ZNF385D: variants seen among roughly 807,000 people sequenced by gnomAD.
ZNF385D encodes the protein zinc finger protein 385D, also known as zinc finger protein 659.
A neutral mutation model predicts 35.8 loss-of-function variants in ZNF385D; 15 were observed. The ratio of observed to expected loss-of-function variants is 0.42; its 90% CI spans 0.28 to 0.64. ZNF385D has a LOEUF of 0.64. ZNF385D is among the 30% of genes least tolerant of loss of function. The probability of loss-of-function intolerance (pLI) is 0.23; values close to 1 mark genes in which losing one functional copy is unlikely to be tolerated. For synonymous variants in ZNF385D, 212 were observed against 186.8 expected (o/e 1.13, Z -1.10); for missense variants, 474 against 494.6 (o/e 0.96, Z 0.39).
intron 2 of ZNF385D, among the ~76,000 whole-genome samples, chr3:22,195,130 T>G (rs1356375074): frequency 6.6e-6 from 1 of 151,918 alleles, no homozygotes; most frequent in Non-Finnish European, 1.5e-5. Flanking sequence ...CATTAGCAGT[T>G]TGTATCATAA....
At chr3:22,138,576 T>C (rs7628018) in intron 3 of ZNF385D, among the ~76,000 whole-genome samples, 131,743 of 144,800 alleles carry the variant, frequency 0.91, 60,030 homozygotes, top group African/African-American at 0.97. Flanking sequence ...AAAGGATTCC[T>C]TATTTAATAA....
chr3:21,758,996 A>AAAC (rs2070478037), intron 3 of ZNF385D, among the ~76,000 whole-genome samples: 1 of 148,436 alleles, frequency 6.7e-6, no homozygotes, highest in Non-Finnish European at 1.5e-5. Flanking sequence ...AAAAAAAAAA[A>AAAC]AAAAAAAAAA....
At chr3:21,598,108 A>G (rs1459202920) in intron 2 of ZNF385D, among the ~76,000 whole-genome samples, 1 of 152,194 alleles carries the variant, frequency 6.6e-6, no homozygotes, top group African/African-American at 2.4e-5. Context: ...CGGTTGAATC[A>G]TTTATCATAG....
intron 3 of ZNF385D, among the ~76,000 whole-genome samples, chr3:21,852,345 G>A (rs566053263): frequency 6.6e-6 from 1 of 151,992 alleles, no homozygotes; most frequent in South Asian, 2.1e-4. Context: ...TAATTGCATA[G>A]TACTTTCCCT....
intron 4 of ZNF385D, among the ~76,000 whole-genome samples, chr3:21,446,280 T>C (rs1469766993): frequency 1.3e-5 from 2 of 152,068 alleles, no homozygotes; most frequent in African/African-American, 2.4e-5. Context: ...CAGCAAGTCA[T>C]GAATGCAAGA....
chr3:22,236,779 G>A (rs1192523740), intron 2 of ZNF385D, among the ~76,000 whole-genome samples: 1 of 152,090 alleles, frequency 6.6e-6, no homozygotes, highest in African/African-American at 2.4e-5. Flanking sequence ...TTTATGCTGG[G>A]CATTTTATAT....
At chr3:21,485,453 G>C (rs1317131798) in intron 4 of ZNF385D, among the ~76,000 whole-genome samples, 1 of 152,104 alleles carries the variant, frequency 6.6e-6, no homozygotes, top group Non-Finnish European at 1.5e-5. Context: ...AGGCATCATT[G>C]ATTCTTACCT....
chr3:22,009,344 C>G (rs1696421060), intron 3 of ZNF385D, among the ~76,000 whole-genome samples: 1 of 151,938 alleles, frequency 6.6e-6, no homozygotes, highest in Non-Finnish European at 1.5e-5. Flanking sequence ...ATAGATTTGG[C>G]TAGGCGAGGT....
chr3:21,718,289 A>T (rs1440168822), intron 1 of ZNF385D, among the ~76,000 whole-genome samples: 1 of 152,314 alleles, frequency 6.6e-6, no homozygotes, highest in African/African-American at 2.4e-5. Flanking sequence ...CCACTCTGCA[A>T]TTTGATCCCT....
intron 3 of ZNF385D, among the ~76,000 whole-genome samples, chr3:21,926,822 C>A (rs763874831): frequency 1.3e-5 from 2 of 152,120 alleles, no homozygotes; most frequent in Non-Finnish European, 2.9e-5. Flanking sequence ...AACTAAAGAA[C>A]TTCTGCACAG....
At chr3:21,793,063 T>C (rs1054891701) in intron 3 of ZNF385D, among the ~76,000 whole-genome samples, 4 of 152,200 alleles carry the variant, frequency 2.6e-5, no homozygotes, top group East Asian at 3.9e-4. Context: ...ATAGCCACCA[T>C]AGTTTCTAAA....
At chr3:21,602,602 G>A (rs1247327412) in intron 2 of ZNF385D, among the ~76,000 whole-genome samples, 2 of 136,170 alleles carry the variant, frequency 1.5e-5, no homozygotes, top group African/African-American at 5.7e-5. Context: ...GCGCAATCTC[G>A]GCTCACTGCA....
chr3:22,245,307 T>C (rs986197639), intron 2 of ZNF385D, among the ~76,000 whole-genome samples: 1 of 152,118 alleles, frequency 6.6e-6, no homozygotes, highest in Non-Finnish European at 1.5e-5. Flanking sequence ...TCAGCATTCC[T>C]ACCATATGAC....
At chr3:22,003,194 A>G (rs755626914) in intron 3 of ZNF385D, among the ~76,000 whole-genome samples, 3 of 152,158 alleles carry the variant, frequency 2.0e-5, no homozygotes, top group Non-Finnish European at 4.4e-5. Flanking sequence ...TTCCACCCCA[A>G]TCTCTTAGAA....
At chr3:21,892,430 C>T (rs1208598395) in intron 3 of ZNF385D, among the ~76,000 whole-genome samples, 1 of 152,120 alleles carries the variant, frequency 6.6e-6, no homozygotes, top group Non-Finnish European at 1.5e-5. Context: ...AAAGTGTGCT[C>T]TTACCCTTAA....
intron 3 of ZNF385D, among the ~76,000 whole-genome samples, chr3:22,017,420 C>G (rs1203261290): frequency 1.3e-5 from 2 of 152,016 alleles, no homozygotes; most frequent in East Asian, 3.9e-4. Context: ...TGTGTGTTGT[C>G]TTTCAGCTGT....
rs1559436529 is a variant in ZNF385D, at chr3:21,588,619, G to T, written c.166-23935C>A. On this transcript the variant is annotated intron_variant, in intron 2 of 7. Coordinates refer to ENST00000281523, the MANE Select transcript of ZNF385D (RefSeq NM_024697.3). ...GAAACATTAAAAATAATTTTTAAAA[G>T]TCTGTTTTCTTAAAATTTATAGAGT... Among the ~76,000 whole-genome samples the T allele has an allele frequency of 2.6e-5, 4 of 151,990 alleles. 1 individual carries two copies.
intron 2 of ZNF385D, among the ~76,000 whole-genome samples, chr3:21,592,589 A>G (rs947291487): frequency 2.7e-4 from 41 of 150,246 alleles, no homozygotes; most frequent in Non-Finnish European, 1.2e-4. Context: ...TTATTGCATT[A>G]TGTGTAATTT....
intron 3 of ZNF385D, among the ~76,000 whole-genome samples, chr3:21,536,807 G>A (rs185632289): frequency 1.5e-3 from 223 of 152,074 alleles, no homozygotes; most frequent in Middle Eastern, 3.4e-3. Context: ...AAATACAGTG[G>A]CCAGAGTAAG....
Sources: gnomAD v4.1 joint callset for allele counts (sites outside exome capture counted in the v4.1 genomes callset) on GRCh38, gnomAD v4.1.1 for gene constraint, MANE v1.5 for transcripts, NCBI Gene and HGNC (gene_info 2026-07-23, HGNC 2026-07-21) for gene names.